Variants in NCAN observed in about 807,000 individuals in gnomAD.
NCAN encodes the protein neurocan core protein.
In NCAN, 47 loss-of-function variants were observed where a neutral mutation model predicts 121.8. The ratio of observed to expected loss-of-function variants is 0.39; its 90% confidence interval spans 0.31 to 0.49. NCAN has a LOEUF of 0.49. NCAN is among the 20% of genes least tolerant of loss of function. The probability of loss-of-function intolerance (pLI) is 0.92; values close to 1 mark genes in which losing one functional copy is unlikely to be tolerated. For missense variants in NCAN, 1,517 were observed against 1,773.4 expected (o/e 0.86, Z 2.60); for synonymous variants, 633 against 702.0 (o/e 0.90, Z 1.55).
intron 1 of NCAN, among the ~76,000 whole-genome samples, chr19:19,214,985 T>C (rs2060791202): frequency 6.6e-6 from 1 of 152,172 alleles, no homozygotes; most frequent in Admixed American, 6.6e-5. Flanking sequence ...GGAGCACTGG[T>C]CCAGGGTCTG....
chr19:19,223,120 A>C (rs1315200131), intron 3 of NCAN, among the ~76,000 whole-genome samples: 1 of 148,950 alleles, frequency 6.7e-6, no homozygotes, highest in African/African-American at 2.4e-5. Context: ...AAAATAAATA[A>C]AATAAAATAA....
chr19:19,250,087 C>A lies in NCAN; in HGVS notation c.*176C>A, dbSNP rs1385390052. 9 of 778,546 alleles carry A rather than the reference C, an allele frequency of 1.2e-5. No homozygotes were observed. Among genetic ancestry groups the A allele is most frequent in the South Asian group, 1.5e-5 (1 of 68,236 alleles). The allele number at this position is 778,546 out of a possible 1,614,324, so 48.2% of individuals were successfully genotyped here. A position where few individuals can be genotyped will look rare whatever the true frequency, so the allele number is the denominator to read the frequency against. On this transcript the variant is annotated 3_prime_UTR_variant, in exon 15 of 15. Transcript: ENST00000252575. ...CCTCTTTTCCCTTTTTTTACATACA[C>A]AAGATCCTCTTGGCAGGTGGAGCCA... is the stretch of plus-strand genomic sequence containing the variant.
intron 3 of NCAN, 52 bp downstream of exon 3, chr19:19,219,368 C>G (rs887573287): frequency 7.0e-7 from 1 of 1,432,094 alleles, no homozygotes; most frequent in African/African-American, 1.4e-5. Flanking sequence ...GAGGGCTGAG[C>G]CTGGAGCCCA....
intron 1 of NCAN, among the ~76,000 whole-genome samples, chr19:19,216,329 T>C (rs2060795773): frequency 6.6e-6 from 1 of 151,580 alleles, no homozygotes; most frequent in Non-Finnish European, 1.5e-5. Context: ...TTTTTTTTTT[T>C]GAGACAGAGT....
chr19:19,228,242 G>A lies in NCAN; in HGVS notation c.2622G>A (p.Thr874=), dbSNP rs141133344. 5 of 1,613,722 alleles carry A rather than the reference G, an allele frequency of 3.1e-6. No homozygotes were observed. Among genetic ancestry groups the A allele is most frequent in the African/African-American group, 1.3e-5 (1 of 74,872 alleles). The stretch of plus-strand genomic sequence containing the variant: ...ATACAAGCATTGTGACGCCCCTCAC[G>A]ACCCTGGAGCAGGGGGACAAGGTTG... ...ALDTSIVTPL[T]TLEQGDKVGV... is the part of the protein sequence containing the mutation. The change falls in exon 8 of 15, where the codon ACG becomes ACA. Residue 874 remains threonine (T), a synonymous_variant. Coordinates refer to ENST00000252575, the MANE Select transcript of NCAN (RefSeq NM_004386.3).
intron 12 of NCAN, 90 bp from the exon 13 acceptor site, chr19:19,245,223 T>G: frequency 2.7e-6 from 4 of 1,493,224 alleles, no homozygotes; most frequent in Non-Finnish European, 3.6e-6. Context: ...GTTTGAGGGG[T>G]CTGGCCAGGG....
chr19:19,225,220 G>T lies in NCAN; in HGVS notation c.1022G>T (p.Arg341Leu). ...CGCACCGTCTACCGCTTCGCTAACCGGACCGGCTTCCCCTCACCCGCCGAG... is the reference window on the plus strand; with the variant it reads ...CGCACCGTCTACCGCTTCGCTAACCTGACCGGCTTCCCCTCACCCGCCGAG... Reference protein sequence around the residue: ...GVRTVYRFANRTGFPSPAERF... With the variant: ...GVRTVYRFANLTGFPSPAERF... Residue 341 changes from arginine (R) to leucine (L), a missense_variant, in exon 6 of 15, where the codon CGG (arginine) becomes CTG (leucine). Coordinates refer to ENST00000252575, the MANE Select transcript of NCAN (RefSeq NM_004386.3). This position sits in a 1 kb window ranked among gnomAD's most constrained non-coding sequence, Gnocchi z 4.0. 1.3e-6 allele frequency: 2 copies of T among 1,573,248 alleles called. No homozygotes were observed. The highest frequency in any genetic ancestry group is 1.7e-6 in the Non-Finnish European group (2 of 1,170,184).
At chr19:19,243,135 G>C (rs1174299373) in intron 12 of NCAN, among the ~76,000 whole-genome samples, 2 of 151,958 alleles carry the variant, frequency 1.3e-5, no homozygotes, top group Non-Finnish European at 2.9e-5. Context: ...ACAGGAAGTA[G>C]ATTAGTGTTT....
In NCAN at chr19:19,224,968, C is replaced by T. The variant is rs2060829989; in HGVS notation, c.779-9C>T. ...CAGCCCCCCTGACCTCCACCCGCCC[C>T]TCCCGCAGGCGAGGTCTTCTACGTG... On this transcript the variant is annotated splice_polypyrimidine_tract_variant and intron_variant, in intron 5 of 14. Coordinates refer to ENST00000252575, the MANE Select transcript of NCAN (RefSeq NM_004386.3). 1 of 1,424,832 alleles carries T rather than the reference C, an allele frequency of 7.0e-7. No homozygotes were observed. The highest frequency in any genetic ancestry group is 9.1e-7 in the Non-Finnish European group (1 of 1,095,362). 88.3% of individuals were successfully genotyped at this position (1,424,832 alleles called of 1,614,324 possible).
At chr19:19,240,499 G>C in intron 11 of NCAN, 104 bp from the exon 12 acceptor site, 1 of 1,076,998 alleles carries the variant, frequency 9.3e-7, no homozygotes, top group Non-Finnish European at 1.4e-6. Context: ...GGGAAGGTGA[G>C]GAATTCTTTC....
chr19:19,239,651 A>C (rs1041467510), intron 11 of NCAN, among the ~76,000 whole-genome samples: 21 of 45,246 alleles, frequency 4.6e-4, no homozygotes, highest in East Asian at 8.0e-4. Context: ...TCCTCCTTCC[A>C]CTCATCTTCT....
At chr19:19,218,786 G>C (rs1049835366) in intron 2 of NCAN, 129 bp from the exon 3 acceptor site, 25 of 935,586 alleles carry the variant, frequency 2.7e-5, no homozygotes, top group Non-Finnish European at 2.7e-5. Flanking sequence ...CTTGGATTCT[G>C]AGGTCAAGTG....
At chr19:19,236,900 T>A (rs1048182588) in intron 10 of NCAN, among the ~76,000 whole-genome samples, 17 of 152,004 alleles carry the variant, frequency 1.1e-4, no homozygotes, top group African/African-American at 4.1e-4. Context: ...GGCTAATTTT[T>A]ATTTTTTTAA....
chr19:19,246,468 T>C (rs2060924841), intron 13 of NCAN, among the ~76,000 whole-genome samples: 1 of 152,148 alleles, frequency 6.6e-6, no homozygotes, highest in African/African-American at 2.4e-5. Flanking sequence ...TTCATCTAAG[T>C]GGGGAAAAAT....
chr19:19,243,169 G>A (rs2060910025), intron 12 of NCAN, among the ~76,000 whole-genome samples: 2 of 151,950 alleles, frequency 1.3e-5, no homozygotes, highest in South Asian at 2.1e-4. Flanking sequence ...GTCGGGAGAA[G>A]GGGGAGTCAC....
intron 4 of NCAN, 48 bp from the exon 5 acceptor site, chr19:19,224,258 G>A (rs913340797): frequency 1.9e-6 from 3 of 1,596,836 alleles, no homozygotes; most frequent in Non-Finnish European, 2.6e-6. Flanking sequence ...GTTCCTTGGG[G>A]GCTCCAGGAG....
chr19:19,228,672 C>T (rs750364056), intron 8 of NCAN, 33 bp downstream of exon 8: 5 of 1,570,310 alleles, frequency 3.2e-6, no homozygotes, highest in African/African-American at 2.7e-5. Flanking sequence ...CTGTCCAGCT[C>T]TCCATGGTCA....
At position 19,224,110 on chromosome 19, in the gene NCAN, A is replaced by G. The variant is rs753950202; in HGVS notation, c.565A>G (p.Ile189Val). The G allele has an allele frequency of 6.2e-7, 1 of 1,609,120 alleles. No individual in the cohort carries two copies. The highest frequency in any genetic ancestry group is 1.1e-5 in the South Asian group (1 of 90,776). ...GGCCTGCCGTCTCAGCTCAGCCATC[A>G]TTGCAGCCCCTCGGCATCTACAGGC... is the stretch of plus-strand genomic sequence containing the variant. ...QEACRLSSAIIAAPRHLQAAF... is the reference protein window; with the variant it reads ...QEACRLSSAIVAAPRHLQAAF... The change falls in exon 4 of 15, where the codon ATT becomes GTT. Residue 189 changes from isoleucine to valine, a missense_variant. Coordinates refer to ENST00000252575, the MANE Select transcript of NCAN (RefSeq NM_004386.3).
chr19:19,243,798 T>C lies in NCAN; in HGVS notation c.3493-1515T>C, dbSNP rs181108840. Among the ~76,000 whole-genome samples, 78 of 151,990 alleles carry C rather than the reference T, an allele frequency of 5.1e-4. No homozygotes were observed. In the East Asian group the frequency reaches 0.015, roughly 30 times the overall value. ...ATCCCAGCACTTTGGGAGGCCAAGG[T>C]GGGTGGATCGCGAGGTCAGGAGTTC... On this transcript the variant is annotated intron_variant, in intron 12 of 14. Transcript: ENST00000252575.
Sources: allele counts gnomAD v4.1 joint callset (sites outside exome capture counted in the v4.1 genomes callset), GRCh38; gene constraint gnomAD v4.1.1; non-coding constraint Gnocchi (gnomAD v3.1); transcripts MANE v1.5; gene names NCBI Gene and HGNC (gene_info 2026-07-23, HGNC 2026-07-21).